The following CHSY3 variants were observed in gnomAD, a reference collection of about 807,000 sequenced individuals.
CHSY3 encodes the protein chondroitin sulfate synthase 3.
In CHSY3, 35 loss-of-function variants were observed where a neutral mutation model predicts 67.2. The observed-to-expected ratio is 0.52, with a 90% CI of 0.40 to 0.69. The LOEUF (loss-of-function observed/expected upper bound fraction) is 0.69. Among genes scored for constraint, CHSY3 ranks in the 30% least tolerant of loss-of-function variants. The pLI is 0.00. For missense variants in CHSY3, 1,069 were observed against 1,138.5 expected (o/e 0.94, Z 0.88); for synonymous variants, 474 against 434.7 (o/e 1.09, Z -1.12).
chr5:129,905,383 G>A lies in CHSY3; in HGVS notation c.554G>A (p.Gly185Asp). 1.9e-6 allele frequency: 3 copies of A among 1,597,574 alleles called. No homozygotes were observed. The highest frequency in any genetic ancestry group is 1.7e-6 in the Non-Finnish European group (2 of 1,174,018). Residue 185 changes from glycine (G) to aspartate (D), a missense_variant, in exon 1 of 3, where the codon GGC becomes GAC. Gly to Asp is a moderately conservative substitution (Grantham distance 94). Around this residue, in one of 5 missense-constraint regions of CHSY3, gnomAD observed 216 missense variants for 311.5 expected, o/e 0.69. Transcript: ENST00000305031. The part of the protein sequence containing the change: ...VGVMTAQKYL[G>D]SRALAAQRTW... ...GTGATGACCGCGCAGAAGTACCTGG[G>A]CAGCCGCGCGCTGGCCGCGCAGCGG...
chr5:129,969,289 G>T (rs1035877361), intron 2 of CHSY3, among the ~76,000 whole-genome samples: 1 of 151,772 alleles, frequency 6.6e-6, no homozygotes, highest in African/African-American at 2.4e-5. Context: ...ATTTCTGGAA[G>T]CAATGCATAT....
At chr5:130,178,194 T>TAC (rs1770114460) in intron 2 of CHSY3, among the ~76,000 whole-genome samples, 1 of 114,720 alleles carries the variant, frequency 8.7e-6, no homozygotes, top group African/African-American at 3.2e-5. Context: ...TGTGTATATA[T>TAC]ATATATTTAT....
chr5:129,936,897 A>T (rs954174278), intron 2 of CHSY3, among the ~76,000 whole-genome samples: 2 of 152,208 alleles, frequency 1.3e-5, no homozygotes, highest in South Asian at 2.1e-4. Context: ...TGCTCATGTT[A>T]TTCCCTTGAT....
chr5:129,916,980 A>T (rs1411217123), intron 2 of CHSY3, among the ~76,000 whole-genome samples: 1 of 152,068 alleles, frequency 6.6e-6, no homozygotes, highest in Non-Finnish European at 1.5e-5. Context: ...GAGTTTTCTT[A>T]AGTAAGCCTC....
intron 2 of CHSY3, among the ~76,000 whole-genome samples, chr5:130,043,387 AG>A (rs1337852649): frequency 3.9e-5 from 6 of 152,138 alleles, no homozygotes. Context: ...CCCTGAGAAT[AG>A]ATTTCAATTA....
chr5:129,907,609 G>A (rs1760360275), intron 1 of CHSY3, among the ~76,000 whole-genome samples: 1 of 152,084 alleles, frequency 6.6e-6, no homozygotes, highest in African/African-American at 2.4e-5. Flanking sequence ...AAAACTGTGC[G>A]GGTTGTATAT....
chr5:130,003,324 G>A (rs1763785941), intron 2 of CHSY3, among the ~76,000 whole-genome samples: 1 of 152,224 alleles, frequency 6.6e-6, no homozygotes, highest in African/African-American at 2.4e-5. Context: ...TTGATGGACA[G>A]AAGGCTGTTA....
At chr5:130,128,883 C>A (rs979229252) in intron 2 of CHSY3, among the ~76,000 whole-genome samples, 2 of 150,800 alleles carry the variant, frequency 1.3e-5, no homozygotes, top group African/African-American at 4.9e-5. Context: ...AACTTTATTT[C>A]TCATCAAAGT....
chr5:129,980,295 C>A (rs1762945139), intron 2 of CHSY3, among the ~76,000 whole-genome samples: 1 of 152,182 alleles, frequency 6.6e-6, no homozygotes, highest in Non-Finnish European at 1.5e-5. Flanking sequence ...ATAGTAGTAT[C>A]TCATTCTTGT....
Position 130,005,407 on chromosome 5 carries a change from CTG to C in CHSY3, c.1086+97050_1086+97051del, listed in dbSNP as rs548130880. On this transcript the variant is annotated intron_variant, in intron 2 of 2. Coordinates refer to ENST00000305031, the MANE Select transcript of CHSY3 (RefSeq NM_175856.5). ...TCCAGCCTGGTGACAGAGTGAGACT[CTG>C]TGAAAAACAAGACGAAACAACAAAA... 3.6e-3 allele frequency among the ~76,000 whole-genome samples: 517 copies of C among 144,144 alleles called. 5 individuals carry two copies. The highest frequency in any genetic ancestry group is 0.013 in the African/African-American group (487 of 37,888). 94.6% of individuals were successfully genotyped at this position (144,144 alleles called of 152,430 possible).
chr5:130,031,505 T>A (rs1440306224), intron 2 of CHSY3, among the ~76,000 whole-genome samples: 1 of 152,178 alleles, frequency 6.6e-6, no homozygotes, highest in African/African-American at 2.4e-5. Context: ...TTGTTTACCT[T>A]GTTTACAGTA....
chr5:130,001,192 T>G (rs895303741), intron 2 of CHSY3, among the ~76,000 whole-genome samples: 1 of 152,106 alleles, frequency 6.6e-6, no homozygotes, highest in African/African-American at 2.4e-5. Flanking sequence ...CCTTCTTTTT[T>G]ATGTGCCTAC....
intron 2 of CHSY3, among the ~76,000 whole-genome samples, chr5:130,120,486 GA>G (rs34727574): frequency 0.34 from 33,033 of 96,064 alleles, 4,049 homozygotes; most frequent in Admixed American, 0.43. Context: ...ATTTCTGAAA[GA>G]AAAAAAAAAA....
intron 2 of CHSY3, among the ~76,000 whole-genome samples, chr5:130,161,656 C>G (rs1769547797): frequency 6.6e-6 from 1 of 152,166 alleles, no homozygotes; most frequent in Non-Finnish European, 1.5e-5. Flanking sequence ...GTCAGTCCTA[C>G]AACCATTATA....
intron 2 of CHSY3, among the ~76,000 whole-genome samples, chr5:129,990,375 TGA>T (rs1005283527): frequency 6.1e-5 from 4 of 65,238 alleles, no homozygotes; most frequent in South Asian, 1.5e-3. Context: ...TGTGAGTGAG[TGA>T]GTGTGTGTGT....
intron 1 of CHSY3, among the ~76,000 whole-genome samples, chr5:129,906,454 A>AT (rs997040051): frequency 1.3e-5 from 2 of 152,196 alleles, no homozygotes; most frequent in Non-Finnish European, 2.9e-5. Context: ...TTTCCAGTGC[A>AT]TTTTGTTGGC....
intron 2 of CHSY3, among the ~76,000 whole-genome samples, chr5:130,170,805 A>C (rs1769876296): frequency 6.7e-6 from 1 of 149,172 alleles, no homozygotes; most frequent in Admixed American, 6.8e-5. Flanking sequence ...ATGTTTGTTC[A>C]TATCCTTTGC....
chr5:130,150,444 T>C (rs1412879967), intron 2 of CHSY3, among the ~76,000 whole-genome samples: 1 of 152,166 alleles, frequency 6.6e-6, no homozygotes, highest in Non-Finnish European at 1.5e-5. Flanking sequence ...ACAATATTTA[T>C]TACTTTAAAA....
At chr5:130,063,571 C>G (rs1287530360) in intron 2 of CHSY3, among the ~76,000 whole-genome samples, 1 of 152,128 alleles carries the variant, frequency 6.6e-6, no homozygotes, top group Non-Finnish European at 1.5e-5. Context: ...AATGTACTCT[C>G]TTTTTATAAA....
Sources: gnomAD v4.1 joint callset for allele counts (sites outside exome capture counted in the v4.1 genomes callset) on GRCh38, gnomAD v4.1.1 for gene constraint, gnomAD v4.1.1 regional missense constraint, MANE v1.5 for transcripts, NCBI Gene and HGNC (gene_info 2026-07-23, HGNC 2026-07-21) for gene names.